CTNNA2: variants seen among roughly 807,000 people sequenced by gnomAD.
CTNNA2 encodes catenin alpha 2.
In CTNNA2, 42 loss-of-function variants were observed where a neutral mutation model predicts 101.0. The observed-to-expected ratio is 0.42, with a 90% CI of 0.32 to 0.54. CTNNA2 has a LOEUF of 0.54. Ranked by LOEUF, CTNNA2 falls within the 20% of genes least tolerant of loss-of-function variation. CTNNA2 has a pLI of 0.14. For synonymous variants in CTNNA2, 450 were observed against 456.4 expected, an observed-to-expected ratio of 0.99 and a Z score of 0.18; for missense variants, 871 against 1,223.1, an observed-to-expected ratio of 0.71 and a Z score of 4.29.
At chr2:80,335,595 A>G (rs1392996797) in intron 7 of CTNNA2, among the ~76,000 whole-genome samples, 4 of 152,284 alleles carry the variant, frequency 2.6e-5, no homozygotes, top group Admixed American at 6.5e-5. Context: ...GGGAGAGGTT[A>G]TTCCTGCCTA....
chr2:80,097,221 G>T (rs1202618809), intron 7 of CTNNA2, among the ~76,000 whole-genome samples: 3 of 152,178 alleles, frequency 2.0e-5, no homozygotes, highest in East Asian at 1.9e-4. Flanking sequence ...AAATCTCTCA[G>T]CATTTGCTTG....
chr2:79,962,068 C>T (rs993969320), intron 7 of CTNNA2, among the ~76,000 whole-genome samples: 1 of 152,208 alleles, frequency 6.6e-6, no homozygotes, highest in African/African-American at 2.4e-5. Context: ...GACGAGGCAA[C>T]CTGAAGCCAC....
At chr2:79,362,735 C>T (rs1268375506) in intron 3 of CTNNA2, among the ~76,000 whole-genome samples, 1 of 152,204 alleles carries the variant, frequency 6.6e-6, no homozygotes, top group Non-Finnish European at 1.5e-5. Flanking sequence ...TCCCCATCAG[C>T]TGTGGTGACC....
Position 79,860,546 on chromosome 2 carries a change from G to GTTTTTTTATT in CTNNA2, c.465+2374_465+2375insATTTTTTTTT. Among the ~76,000 whole-genome samples, 2 of 107,196 alleles carry GTTTTTTTATT rather than the reference G, an allele frequency of 1.9e-5. 1 individual carries two copies. The highest frequency in any genetic ancestry group is 7.4e-5 in the African/African-American group (2 of 27,094). The allele number at this position is 107,196 out of a possible 152,430, so 70.3% of individuals were successfully genotyped here. A position where few individuals can be genotyped will look rare whatever the true frequency, so the allele number is the denominator to read the frequency against. On this transcript the variant is annotated intron_variant, in intron 4 of 18. Transcript: ENST00000402739. The stretch of plus-strand genomic sequence containing the variant: ...TTCTCCACACAGCCGAGTAAGGGAA[G>GTTTTTTTATT]TTTTTTTTTTTTTTTTTTTAACGAT...
intron 1 of CTNNA2, among the ~76,000 whole-genome samples, chr2:79,628,496 C>T (rs6740609): frequency 0.77 from 116,774 of 151,868 alleles, 45,271 homozygotes; most frequent in South Asian, 0.83. Flanking sequence ...CGGTTGTCAA[C>T]TGTAGAACAA....
intron 16 of CTNNA2, among the ~76,000 whole-genome samples, chr2:80,606,386 ACACACACACACACACACACACACACACC>A (rs1399524109): frequency 3.5e-5 from 4 of 114,040 alleles, no homozygotes; most frequent in Non-Finnish European, 7.3e-5. Context: ...ACACACACAC[ACACACACACACACACACACACACACACC>A]CCCCAGGATA....
At chr2:80,337,519 A>G (rs1020894766) in intron 7 of CTNNA2, among the ~76,000 whole-genome samples, 6 of 139,730 alleles carry the variant, frequency 4.3e-5, no homozygotes, top group African/African-American at 1.6e-4. Context: ...AAGCTAGAGC[A>G]GTTTTGAGAG....
intron 2 of CTNNA2, among the ~76,000 whole-genome samples, chr2:79,276,853 G>C (rs762220354): frequency 6.6e-6 from 1 of 152,022 alleles, no homozygotes; most frequent in Non-Finnish European, 1.5e-5. Flanking sequence ...GATAAGAAAG[G>C]TTTTCCATTT....
At chr2:79,252,333 AAATATTTC>A (rs1674783816) in intron 2 of CTNNA2, among the ~76,000 whole-genome samples, 1 of 151,980 alleles carries the variant, frequency 6.6e-6, no homozygotes, top group Admixed American at 6.6e-5. Context: ...CTCTGTAATA[AAATATTTC>A]ATTTATTTTG....
At chr2:79,781,085 T>A (rs1022445560) in intron 3 of CTNNA2, among the ~76,000 whole-genome samples, 4 of 152,184 alleles carry the variant, frequency 2.6e-5, no homozygotes, top group African/African-American at 9.6e-5. Flanking sequence ...GAACAGCTAC[T>A]CCATAGACGG....
At chr2:79,227,089 T>C (rs1052838223) in intron 2 of CTNNA2, among the ~76,000 whole-genome samples, 2 of 152,150 alleles carry the variant, frequency 1.3e-5, no homozygotes, top group African/African-American at 2.4e-5. Flanking sequence ...GGTTATCACA[T>C]TCAGCAGTCT....
At chr2:80,146,586 C>G (rs532317956) in intron 7 of CTNNA2, among the ~76,000 whole-genome samples, 1 of 152,026 alleles carries the variant, frequency 6.6e-6, no homozygotes, top group East Asian at 1.9e-4. Context: ...CTTTCTTGCT[C>G]TTACTTGAGT....
intron 3 of CTNNA2, among the ~76,000 whole-genome samples, chr2:79,855,606 G>T (rs1421753240): frequency 6.6e-6 from 1 of 152,190 alleles, no homozygotes; most frequent in African/African-American, 2.4e-5. Flanking sequence ...GGGAAGGGGT[G>T]TGACTGCCCT....
chr2:80,621,998 C>T (rs548745620), intron 18 of CTNNA2, among the ~76,000 whole-genome samples: 1 of 151,894 alleles, frequency 6.6e-6, no homozygotes, highest in Non-Finnish European at 1.5e-5. Flanking sequence ...GACAGGGAAG[C>T]GTTCCAGGTC....
chr2:80,201,367 C>CTTTTTTTTTTTTT (rs60448795), intron 7 of CTNNA2, among the ~76,000 whole-genome samples: 5 of 80,732 alleles, frequency 6.2e-5, no homozygotes, highest in African/African-American at 1.6e-4. Context: ...CTTTTTCTTT[C>CTTTTTTTTTTTTT]TTTTTTTTTT....
intron 1 of CTNNA2, among the ~76,000 whole-genome samples, chr2:79,545,969 C>T (rs1468912091): frequency 6.6e-6 from 1 of 152,140 alleles, no homozygotes; most frequent in African/African-American, 2.4e-5. Flanking sequence ...CTCAGTTTAG[C>T]AGAGAAGGAT....
chr2:80,053,107 A>C (rs984787036), intron 7 of CTNNA2, among the ~76,000 whole-genome samples: 3 of 152,284 alleles, frequency 2.0e-5, no homozygotes, highest in Admixed American at 6.5e-5. Flanking sequence ...ACATACATTC[A>C]ATTTGTTACC....
Position 79,706,208 on chromosome 2 carries a change from C to A in CTNNA2, c.103-38179C>A, listed in dbSNP as rs368306390. ...TGAAACCCCGTCTCTACTAAAAATA[C>A]AAAAAATATGCGGGCGTGGTGGCGG... On this transcript the variant is annotated intron_variant, in intron 2 of 18. Coordinates refer to ENST00000402739, the MANE Select transcript of CTNNA2 (RefSeq NM_001282597.3). 1.6e-4 allele frequency among the ~76,000 whole-genome samples: 24 copies of A among 151,842 alleles called. No homozygotes were observed. In the East Asian group the frequency reaches 2.7e-3, roughly 17 times the overall value.
At chr2:79,493,047 G>A (rs932334836) in intron 4 of CTNNA2, among the ~76,000 whole-genome samples, 2 of 152,078 alleles carry the variant, frequency 1.3e-5, no homozygotes, top group Non-Finnish European at 2.9e-5. Flanking sequence ...CTATGATTGG[G>A]AAAAACTTTT....
Sources: gnomAD v4.1 joint callset for allele counts (sites outside exome capture counted in the v4.1 genomes callset) on GRCh38, gnomAD v4.1.1 for gene constraint, MANE v1.5 for transcripts, NCBI Gene and HGNC (gene_info 2026-07-23, HGNC 2026-07-21) for gene names.